SEL1L2: variants seen among roughly 807,000 people sequenced by gnomAD.
The protein encoded by SEL1L2 is SEL1L2 adaptor subunit of SYVN1 ubiquitin ligase.
Under a neutral mutation model 98.8 loss-of-function variants are expected in SEL1L2, and 89 were observed. The observed-to-expected ratio is 0.90, with a 90% CI of 0.76 to 1.07. SEL1L2 has a LOEUF of 1.07. Ranked by LOEUF, SEL1L2 falls within the 50% of genes least tolerant of loss-of-function variation. The pLI is 0.00. For missense variants in SEL1L2, 788 were observed against 812.0 expected, an observed-to-expected ratio of 0.97 and a Z score of 0.36; for synonymous variants, 262 against 278.5, an observed-to-expected ratio of 0.94 and a Z score of 0.59.
chr20:13,860,618 C>G (rs6033837), intron 17 of SEL1L2, among the ~76,000 whole-genome samples: 17,262 of 152,060 alleles, frequency 0.11, 1,072 homozygotes, highest in African/African-American at 0.16. Context: ...GGAATGTCAA[C>G]GGCTCGCTCC....
intron 14 of SEL1L2, among the ~76,000 whole-genome samples, chr20:13,867,228 G>A (rs542223357): frequency 6.6e-6 from 1 of 152,112 alleles, no homozygotes; most frequent in Non-Finnish European, 1.5e-5. Flanking sequence ...TCCATATCAG[G>A]ACACCCATAT....
In SEL1L2 at chr20:13,850,242, G is replaced by A. The variant is rs747502974; in HGVS notation, c.1896C>T (p.Ala632=). Residue 632 remains alanine, a synonymous_variant, in exon 19 of 20, where the codon GCC becomes GCT. Transcript: ENST00000284951. ...AATGCGTAGTTTCCAGTTTCATGAC[G>A]GCAAAGAGCACAGGTATGTGGGCAT... is the stretch of plus-strand genomic sequence containing the variant. ...SPDAHIPVLF[A]VMKLETTHLL... The A allele has an allele frequency of 3.2e-5, 52 of 1,613,974 alleles. No homozygotes were observed. The highest frequency in any genetic ancestry group is 1.7e-4 in the Middle Eastern group (1 of 6,060).
chr20:13,871,992 G>A (rs897527943), intron 12 of SEL1L2, among the ~76,000 whole-genome samples: 1 of 152,110 alleles, frequency 6.6e-6, no homozygotes, highest in Non-Finnish European at 1.5e-5. Context: ...AATAGAGAAG[G>A]CATATTTCAA....
chr20:13,933,962 G>GTTT lies in SEL1L2; in HGVS notation c.115-2192_115-2191insAAA, dbSNP rs1477727622. Among the ~76,000 whole-genome samples, 50 of 16,398 alleles carry GTTT rather than the reference G, an allele frequency of 3.0e-3. 1 individual carries two copies. Among genetic ancestry groups the GTTT allele is most frequent in the Admixed American group, 0.028 (41 of 1,448 alleles). The allele number at this position is 16,398 out of a possible 152,430, so 10.8% of individuals were successfully genotyped here. A position where few individuals can be genotyped will look rare whatever the true frequency, so the allele number is the denominator to read the frequency against. On this transcript the variant is annotated intron_variant, in intron 2 of 19. Coordinates refer to ENST00000284951, the MANE Select transcript of SEL1L2 (RefSeq NM_025229.2). ...GTACATAATAGCTCAGTAAACCTAA[G>GTTT]GTTTTTTTTTTTTTTAATTTCCACA...
intron 2 of SEL1L2, 127 bp downstream of exon 2, chr20:13,955,949 G>T (rs1250012650): frequency 1.6e-6 from 1 of 621,918 alleles, no homozygotes; most frequent in African/African-American, 1.9e-5. Context: ...ATGAATGAAA[G>T]AATAATATTG....
intron 2 of SEL1L2, among the ~76,000 whole-genome samples, chr20:13,939,508 C>G (rs1199547407): frequency 6.6e-6 from 1 of 152,072 alleles, no homozygotes; most frequent in Non-Finnish European, 1.5e-5. Flanking sequence ...GTATTTGATG[C>G]TAAATATTTC....
intron 2 of SEL1L2, among the ~76,000 whole-genome samples, chr20:13,933,366 T>C (rs893309605): frequency 6.6e-6 from 1 of 152,134 alleles, no homozygotes; most frequent in South Asian, 2.1e-4. Context: ...TTTTAGAACA[T>C]TTTTATCACC....
At chr20:13,880,227 C>A (rs2046631485) in intron 10 of SEL1L2, among the ~76,000 whole-genome samples, 1 of 152,154 alleles carries the variant, frequency 6.6e-6, no homozygotes, top group Non-Finnish European at 1.5e-5. Flanking sequence ...TAATTTGGCT[C>A]TCAAATATCT....
chr20:13,861,848 C>T (rs1437852176), intron 17 of SEL1L2, among the ~76,000 whole-genome samples: 10 of 152,176 alleles, frequency 6.6e-5, no homozygotes, highest in Non-Finnish European at 1.5e-5. Context: ...AACACTCTGA[C>T]TCTTCCCGTG....
At chr20:13,859,122 A>G in intron 18 of SEL1L2, 140 bp downstream of exon 18, 1 of 721,552 alleles carries the variant, frequency 1.4e-6, no homozygotes, top group Non-Finnish European at 2.4e-6. Flanking sequence ...GTATTGGCAC[A>G]AGGGATGGAT....
chr20:13,905,309 CTTTTTTTT>C (rs34326096), intron 5 of SEL1L2, among the ~76,000 whole-genome samples: 4 of 132,950 alleles, frequency 3.0e-5, no homozygotes, highest in Non-Finnish European at 3.2e-5. Context: ...TGTCCTATAA[CTTTTTTTT>C]TTTTTTTTTT....
chr20:13,854,818 C>T (rs1988876173), intron 18 of SEL1L2, among the ~76,000 whole-genome samples: 1 of 152,078 alleles, frequency 6.6e-6, no homozygotes, highest in African/African-American at 2.4e-5. Context: ...CTTTGGGAGG[C>T]CAAGGAAGGT....
intron 14 of SEL1L2, among the ~76,000 whole-genome samples, chr20:13,868,953 A>C (rs2046053925): frequency 6.7e-6 from 1 of 149,570 alleles, no homozygotes; most frequent in African/African-American, 2.5e-5. Context: ...GTGCCCATTC[A>C]TTTACTCTTC....
At chr20:13,926,523 C>G (rs1206276080) in intron 3 of SEL1L2, among the ~76,000 whole-genome samples, 1 of 151,958 alleles carries the variant, frequency 6.6e-6, no homozygotes, top group Non-Finnish European at 1.5e-5. Flanking sequence ...GATGATCCTG[C>G]CTTCATACTG....
chr20:13,852,384 C>T (rs1988412909), intron 18 of SEL1L2, among the ~76,000 whole-genome samples: 1 of 152,092 alleles, frequency 6.6e-6, no homozygotes, highest in Non-Finnish European at 1.5e-5. Context: ...TTAAAATTCC[C>T]AGAGAAGGAA....
chr20:13,991,740 C>A (rs1437029597), upstream of SEL1L2, among the ~76,000 whole-genome samples: 2 of 152,182 alleles, frequency 1.3e-5, no homozygotes, highest in African/African-American at 4.8e-5. Context: ...CACTTGTAAT[C>A]CCAGCACTTT....
intron 10 of SEL1L2, among the ~76,000 whole-genome samples, chr20:13,883,797 A>G (rs1003239646): frequency 1.3e-5 from 2 of 152,244 alleles, no homozygotes; most frequent in Admixed American, 6.5e-5. Flanking sequence ...TCTTCCCTAC[A>G]GCTGAAGCTA....
At chr20:13,926,141 A>ACC (rs775094679) in intron 3 of SEL1L2, among the ~76,000 whole-genome samples, 14 of 152,168 alleles carry the variant, frequency 9.2e-5, no homozygotes, top group East Asian at 3.9e-4. Context: ...GTACGGTGAA[A>ACC]CCGTCTCTCC....
chr20:13,935,016 A>T (rs1300585839), intron 2 of SEL1L2, among the ~76,000 whole-genome samples: 3 of 152,192 alleles, frequency 2.0e-5, no homozygotes, highest in Non-Finnish European at 2.9e-5. Context: ...TTAACTTTTC[A>T]GTTCAACAAT....
Sources: allele counts gnomAD v4.1 joint callset (sites outside exome capture counted in the v4.1 genomes callset), GRCh38; gene constraint gnomAD v4.1.1; transcripts MANE v1.5; gene names NCBI Gene and HGNC (gene_info 2026-07-23, HGNC 2026-07-21).